The following MEMO1 variants were observed in gnomAD, a reference collection of about 807,000 sequenced individuals.
MEMO1 encodes the protein protein MEMO1.
Under a neutral mutation model 45.2 loss-of-function variants are expected in MEMO1, and 6 were observed. That is an observed-to-expected ratio of 0.13 (90% confidence interval 0.07 to 0.26). The LOEUF (loss-of-function observed/expected upper bound fraction) is 0.26, where lower values mean the gene tolerates loss of function less well. Among genes scored for constraint, MEMO1 ranks in the 10% least tolerant of loss-of-function variants. The pLI is 1.00. For synonymous variants in MEMO1, 78 were observed against 124.3 expected, an observed-to-expected ratio of 0.63 and a Z score of 2.48; for missense variants, 184 against 370.5, an observed-to-expected ratio of 0.50 and a Z score of 4.13.
At chr2:31,996,715 C>T (rs1011426826) in intron 2 of MEMO1, among the ~76,000 whole-genome samples, 14 of 152,084 alleles carry the variant, frequency 9.2e-5, no homozygotes, top group African/African-American at 3.4e-4. Flanking sequence ...GAGCATTCCA[C>T]CCCATAACTA....
chr2:31,892,889 T>C (rs980884040), intron 6 of MEMO1, among the ~76,000 whole-genome samples: 1 of 152,144 alleles, frequency 6.6e-6, no homozygotes, highest in Non-Finnish European at 1.5e-5. Context: ...AGAATAACTA[T>C]GATGAGCTAT....
At chr2:31,906,078 T>C (rs550670777) in intron 6 of MEMO1, among the ~76,000 whole-genome samples, 2 of 150,708 alleles carry the variant, frequency 1.3e-5, no homozygotes, top group African/African-American at 4.9e-5. Context: ...GTTCACACAA[T>C]TCTCCTGCCT....
chr2:31,977,889 T>G (rs1670189806), intron 2 of MEMO1, among the ~76,000 whole-genome samples: 1 of 152,186 alleles, frequency 6.6e-6, no homozygotes, highest in Non-Finnish European at 1.5e-5. Context: ...AGTTAAATTA[T>G]TTTCTAATAT....
At chr2:31,884,012 C>T (rs1236071046) in intron 7 of MEMO1, among the ~76,000 whole-genome samples, 1 of 151,338 alleles carries the variant, frequency 6.6e-6, no homozygotes, top group Non-Finnish European at 1.5e-5. Context: ...AGGATCAATA[C>T]AAGTGCCTTA....
chr2:31,888,302 A>G (rs1204229240), intron 7 of MEMO1, among the ~76,000 whole-genome samples: 1 of 152,104 alleles, frequency 6.6e-6, no homozygotes, highest in Non-Finnish European at 1.5e-5. Context: ...TACCCGGTTC[A>G]TAACTCCACT....
chr2:31,930,208 G>A (rs1683746188), intron 4 of MEMO1, among the ~76,000 whole-genome samples: 1 of 152,202 alleles, frequency 6.6e-6, no homozygotes, highest in Admixed American at 6.5e-5. Flanking sequence ...GTTGCAGTGA[G>A]CCAAGACTGC....
intron 6 of MEMO1, 126 bp from the exon 7 acceptor site, chr2:31,892,260 T>C: frequency 1.3e-6 from 1 of 786,238 alleles, no homozygotes; most frequent in Non-Finnish European, 2.0e-6. Context: ...TAATTATTAT[T>C]GATGAATTCT....
chr2:31,958,910 C>T (rs1456594783), intron 2 of MEMO1, among the ~76,000 whole-genome samples: 4 of 152,206 alleles, frequency 2.6e-5, no homozygotes, highest in Non-Finnish European at 5.9e-5. Flanking sequence ...CTCAGCCTCA[C>T]AAAGTGCTGG....
chr2:31,921,468 C>G (rs144445676), intron 4 of MEMO1, among the ~76,000 whole-genome samples: 42 of 152,052 alleles, frequency 2.8e-4, no homozygotes, highest in Non-Finnish European at 4.1e-4. Context: ...CTTGGAAATA[C>G]CAGTTATCAA....
chr2:31,963,700 T>A (rs1369389372), intron 2 of MEMO1, among the ~76,000 whole-genome samples: 1 of 152,154 alleles, frequency 6.6e-6, no homozygotes, highest in East Asian at 1.9e-4. Context: ...AAAAACAATG[T>A]TCATGAATGG....
chr2:32,003,836 G>A (rs1452815763), intron 2 of MEMO1, among the ~76,000 whole-genome samples: 8 of 152,164 alleles, frequency 5.3e-5, no homozygotes, highest in Admixed American at 5.2e-4. Flanking sequence ...AGGACTGCTT[G>A]AGACCAGGAG....
At chr2:31,879,498 T>C (rs1214956265) in intron 8 of MEMO1, among the ~76,000 whole-genome samples, 2 of 152,184 alleles carry the variant, frequency 1.3e-5, no homozygotes, top group Non-Finnish European at 2.9e-5. Context: ...TTTCAAAATG[T>C]TTATCTCCAT....
At chr2:31,939,109 C>A (rs78940082) in intron 3 of MEMO1, among the ~76,000 whole-genome samples, 4 of 144,798 alleles carry the variant, frequency 2.8e-5, no homozygotes, top group Admixed American at 6.9e-5. Context: ...TTTTCTACCT[C>A]AAAAAAAAAA....
intron 2 of MEMO1, among the ~76,000 whole-genome samples, chr2:32,003,018 G>A (rs1047116374): frequency 1.3e-5 from 2 of 152,034 alleles, no homozygotes; most frequent in Non-Finnish European, 1.5e-5. Flanking sequence ...AATTCACTTC[G>A]AAACTAAATT....
At chr2:31,924,900 T>G (rs958977516) in intron 4 of MEMO1, among the ~76,000 whole-genome samples, 1 of 152,220 alleles carries the variant, frequency 6.6e-6, no homozygotes, top group Non-Finnish European at 1.5e-5. Context: ...TTAAACTTCC[T>G]TAAACAGTCA....
At chr2:31,911,281 T>C (rs570913018) in intron 6 of MEMO1, among the ~76,000 whole-genome samples, 1 of 152,314 alleles carries the variant, frequency 6.6e-6, no homozygotes, top group Non-Finnish European at 1.5e-5. Context: ...AAAGGCTATA[T>C]ACTGCATGAT....
intron 2 of MEMO1, among the ~76,000 whole-genome samples, chr2:31,993,744 T>A (rs1287559603): frequency 6.6e-6 from 1 of 152,022 alleles, no homozygotes; most frequent in African/African-American, 2.4e-5. Flanking sequence ...CTATCACCAG[T>A]CTGAGTGGAG....
intron 2 of MEMO1, among the ~76,000 whole-genome samples, chr2:31,989,783 A>G (rs1366431573): frequency 1.2e-4 from 19 of 152,208 alleles, no homozygotes; most frequent in Non-Finnish European, 2.9e-5. Context: ...GTTTCAGTAT[A>G]GCGTTAAATA....
chr2:31,959,509 A>G (rs920165331), intron 2 of MEMO1, among the ~76,000 whole-genome samples: 1 of 152,128 alleles, frequency 6.6e-6, no homozygotes, highest in Non-Finnish European at 1.5e-5. Flanking sequence ...CTGAAAAAAA[A>G]AAAGCCAATC....
Sources: gnomAD v4.1 joint callset for allele counts (sites outside exome capture counted in the v4.1 genomes callset) on GRCh38, gnomAD v4.1.1 for gene constraint, MANE v1.5 for transcripts, NCBI Gene and HGNC (gene_info 2026-07-23, HGNC 2026-07-21) for gene names.